RCOR1: variants seen among roughly 807,000 people sequenced by gnomAD.
The protein encoded by RCOR1 is REST corepressor.
RCOR1 carries 12 observed loss-of-function variants against 64.0 expected under a neutral mutation model. That is an observed-to-expected ratio of 0.19 (90% confidence interval 0.12 to 0.30). The LOEUF (loss-of-function observed/expected upper bound fraction) is 0.30. Ranked by LOEUF, RCOR1 falls within the 10% of genes least tolerant of loss-of-function variation. The pLI, the probability that RCOR1 is intolerant of heterozygous loss-of-function variation, is 1.00. For synonymous variants in RCOR1, 279 were observed against 227.2 expected, an observed-to-expected ratio of 1.23 and a Z score of -2.05; for missense variants, 502 against 621.2, an observed-to-expected ratio of 0.81 and a Z score of 2.04.
chr14:102,602,752 C>T (rs1220032221), intron 2 of RCOR1, among the ~76,000 whole-genome samples: 1 of 152,040 alleles, frequency 6.6e-6, no homozygotes, highest in Non-Finnish European at 1.5e-5. Context: ...GCCTCTTAGG[C>T]TGGAGTGCAG....
At chr14:102,695,944 G>C (rs1567438864) in intron 3 of RCOR1, among the ~76,000 whole-genome samples, 1 of 152,008 alleles carries the variant, frequency 6.6e-6, no homozygotes, top group African/African-American at 2.4e-5. Flanking sequence ...TTGTGAATGA[G>C]AGTGATAATG....
rs997468536 is a variant in RCOR1, at chr14:102,592,722, C to T, written c.-165C>T. 42 of 1,225,448 alleles carry T rather than the reference C, an allele frequency of 3.4e-5. No individual in the cohort carries two copies. The highest frequency in any genetic ancestry group is 3.8e-5 in the Non-Finnish European group (37 of 984,052). The allele number at this position is 1,225,448 out of a possible 1,614,324, so 75.9% of individuals were successfully genotyped here. A position where few individuals can be genotyped will look rare whatever the true frequency, so the allele number is the denominator to read the frequency against. The stretch of plus-strand genomic sequence containing the variant: ...TCGTCGCTGGGGGCTTGAAGCGGCT[C>T]CGCGCTCTGCCCGTTTGGGCCTCCC... On this transcript the variant is annotated 5_prime_UTR_variant, in exon 1 of 12. Transcript: ENST00000262241.
At chr14:102,666,852 T>G (rs1324001341) in intron 2 of RCOR1, among the ~76,000 whole-genome samples, 1 of 152,154 alleles carries the variant, frequency 6.6e-6, no homozygotes, top group Non-Finnish European at 1.5e-5. Context: ...GCGGAGTACT[T>G]TACAGTGGAA....
At chr14:102,708,678 C>CG (rs1567443020) in intron 6 of RCOR1, 95 bp downstream of exon 6, 1 of 698,196 alleles carries the variant, frequency 1.4e-6, no homozygotes, top group Non-Finnish European at 2.5e-6. Flanking sequence ...GTTTTCCCTC[C>CG]GCGCCTTCCT....
intron 3 of RCOR1, among the ~76,000 whole-genome samples, chr14:102,691,483 T>G (rs1895532586): frequency 6.6e-6 from 1 of 152,170 alleles, no homozygotes; most frequent in Non-Finnish European, 1.5e-5. Flanking sequence ...ACAAAACAAC[T>G]TATTCTTTGA....
At position 102,711,794 on chromosome 14, in the gene RCOR1, T is replaced by G. The variant is rs144737220; in HGVS notation, c.858+781T>G. Among the ~76,000 whole-genome samples, 1,293 of 152,286 alleles carry G rather than the reference T, an allele frequency of 8.5e-3. 15 individuals carry two copies. Among genetic ancestry groups the G allele is most frequent in the African/African-American group, 0.029 (1,194 of 41,548 alleles). ...TAATATATGTTTCTTATAGACAAGG[T>G]AGGAAATACAGCTAACTGAAAGAAG... On this transcript the variant is annotated intron_variant, in intron 7 of 11. Transcript: ENST00000262241.
At chr14:102,606,921 G>T (rs1893521789) in intron 2 of RCOR1, among the ~76,000 whole-genome samples, 2 of 141,966 alleles carry the variant, frequency 1.4e-5, no homozygotes, top group Admixed American at 1.6e-4. Flanking sequence ...TGATTTTTTT[G>T]GGTTTTGTGT....
At position 102,726,574 on chromosome 14, in the gene RCOR1, A is replaced by G. The variant is rs1437934061; in HGVS notation, c.*68A>G. On this transcript the variant is annotated 3_prime_UTR_variant, in exon 12 of 12. Coordinates refer to ENST00000262241, the MANE Select transcript of RCOR1 (RefSeq NM_015156.4). ...TCCGGGATATCAGGTATTATGAGAC[A>G]TCACCTAGCCATCTGCATCACATCT... The G allele has an allele frequency of 3.8e-6, 5 of 1,310,266 alleles. No individual in the cohort carries two copies. The highest frequency in any genetic ancestry group is 1.5e-5 in the African/African-American group (1 of 66,998). The allele number at this position is 1,310,266 out of a possible 1,614,324, so 81.2% of individuals were successfully genotyped here. A position where few individuals can be genotyped will look rare whatever the true frequency, so the allele number is the denominator to read the frequency against.
At chr14:102,672,249 G>T (rs896693184) in intron 2 of RCOR1, among the ~76,000 whole-genome samples, 1 of 152,034 alleles carries the variant, frequency 6.6e-6, no homozygotes, top group Non-Finnish European at 1.5e-5. Context: ...GTCTCGCTCT[G>T]TTGCCCAGTC....
In RCOR1 at chr14:102,614,010, C is replaced by T. The variant is rs1893693933; in HGVS notation, c.361+20685C>T. 1.3e-5 allele frequency among the ~76,000 whole-genome samples: 2 copies of T among 149,688 alleles called. 1 individual carries two copies. Among genetic ancestry groups the T allele is most frequent in the South Asian group, 4.2e-4 (2 of 4,776 alleles). ...TCCCAGGTTTAAGGGATTCGCCTGC[C>T]TCAGCTTCCCAAGCAGCTGGGATTA... On this transcript the variant is annotated intron_variant, in intron 2 of 11. Coordinates refer to ENST00000262241, the MANE Select transcript of RCOR1 (RefSeq NM_015156.4).
In RCOR1 at chr14:102,593,255, T is replaced by C; in HGVS notation, c.302-11T>C. ...CGCCGCGCTGACCGCCGTATTCTGC[T>C]TCCCCCGCAGGTGGCGGTGGCATGA... On this transcript the variant is annotated splice_polypyrimidine_tract_variant and intron_variant, in intron 1 of 11. Transcript: ENST00000262241. The C allele has an allele frequency of 6.6e-7, 1 of 1,517,740 alleles. No individual in the cohort carries two copies. Among genetic ancestry groups the C allele is most frequent in the African/African-American group, 1.4e-5 (1 of 69,290 alleles). The allele number at this position is 1,517,740 out of a possible 1,614,324, so 94.0% of individuals were successfully genotyped here. A position where few individuals can be genotyped will look rare whatever the true frequency, so the allele number is the denominator to read the frequency against.
chr14:102,653,665 T>C (rs1894641170), intron 2 of RCOR1, among the ~76,000 whole-genome samples: 1 of 152,128 alleles, frequency 6.6e-6, no homozygotes, highest in African/African-American at 2.4e-5. Context: ...GCTATTTTCA[T>C]GATAGTGAGT....
At chr14:102,603,733 A>G (rs1197157562) in intron 2 of RCOR1, among the ~76,000 whole-genome samples, 1 of 151,430 alleles carries the variant, frequency 6.6e-6, no homozygotes, top group African/African-American at 2.4e-5. Context: ...TGATCCTCCC[A>G]CCTCAGCTTC....
chr14:102,729,748 C>T lies in RCOR1; in HGVS notation c.*3242C>T. On this transcript the variant is annotated 3_prime_UTR_variant, in exon 12 of 12. Coordinates refer to ENST00000262241, the MANE Select transcript of RCOR1 (RefSeq NM_015156.4). ...TTTGTCATTCTAAATATCAGATGTACTATTGGTATAATTGCACACCAAAAA... is the reference window on the plus strand; with the variant it reads ...TTTGTCATTCTAAATATCAGATGTATTATTGGTATAATTGCACACCAAAAA... 2.5e-6 allele frequency: 1 copy of T among 398,504 alleles called. No individual in the cohort carries two copies. Among genetic ancestry groups the T allele is most frequent in the Non-Finnish European group, 4.4e-6 (1 of 225,990 alleles). The allele number at this position is 398,504 out of a possible 1,614,324, so 24.7% of individuals were successfully genotyped here.
intron 2 of RCOR1, among the ~76,000 whole-genome samples, chr14:102,663,283 C>T (rs1161988183): frequency 6.6e-6 from 1 of 152,130 alleles, no homozygotes; most frequent in Non-Finnish European, 1.5e-5. Flanking sequence ...TTGTAAATTG[C>T]CCAGTCTCTG....
Position 102,593,344 on chromosome 14 carries a change from C to T in RCOR1, c.361+19C>T. Reference sequence around the variant, plus strand: ...GACCCCGGTGAGTAGCGGCCCCGGCCGGCCGGCGGCGGGGATGAGCGGGAG... The same window carrying T: ...GACCCCGGTGAGTAGCGGCCCCGGCTGGCCGGCGGCGGGGATGAGCGGGAG... On this transcript the variant is annotated intron_variant, in intron 2 of 11. Transcript: ENST00000262241. 1 of 1,523,648 alleles carries T rather than the reference C, an allele frequency of 6.6e-7. No individual in the cohort carries two copies. Among genetic ancestry groups the T allele is most frequent in the Non-Finnish European group, 8.7e-7 (1 of 1,144,374 alleles). 94.4% of individuals were successfully genotyped at this position (1,523,648 alleles called of 1,614,324 possible). A position where few individuals can be genotyped will look rare whatever the true frequency, so the allele number is the denominator to read the frequency against.
intron 11 of RCOR1, among the ~76,000 whole-genome samples, chr14:102,723,671 G>C (rs1384482346): frequency 1.3e-5 from 2 of 152,088 alleles, no homozygotes; most frequent in African/African-American, 4.8e-5. Flanking sequence ...TTTATTTTCA[G>C]TGATTTTTGT....
intron 4 of RCOR1, among the ~76,000 whole-genome samples, chr14:102,705,960 A>C (rs1595239218): frequency 6.6e-6 from 1 of 151,810 alleles, no homozygotes; most frequent in East Asian, 1.9e-4. Flanking sequence ...TACAAAAAAA[A>C]AACTAGCTGC....
At chr14:102,697,673 T>C (rs1188810068) in intron 3 of RCOR1, among the ~76,000 whole-genome samples, 1 of 152,012 alleles carries the variant, frequency 6.6e-6, no homozygotes, top group African/African-American at 2.4e-5. Flanking sequence ...TACAGTAGAG[T>C]GCTTTCTTCC....
Sources: allele counts gnomAD v4.1 joint callset (sites outside exome capture counted in the v4.1 genomes callset), GRCh38; gene constraint gnomAD v4.1.1; transcripts MANE v1.5; gene names NCBI Gene and HGNC (gene_info 2026-07-23, HGNC 2026-07-21).